The following ICA1 variants were observed in gnomAD, a reference collection of about 807,000 sequenced individuals.
The protein encoded by ICA1 is islet cell autoantigen 1, also known as 69 kDa islet cell autoantigen.
Under a neutral mutation model 71.0 loss-of-function variants are expected in ICA1, and 40 were observed. The ratio of observed to expected loss-of-function variants is 0.56; its 90% CI spans 0.44 to 0.73. The LOEUF is 0.73. Ranked by LOEUF, ICA1 falls within the 30% of genes least tolerant of loss-of-function variation. ICA1 has a pLI of 0.00. For synonymous variants in ICA1, 207 were observed against 209.5 expected, an observed-to-expected ratio of 0.99 and a Z score of 0.10; for missense variants, 578 against 576.5, an observed-to-expected ratio of 1.00 and a Z score of -0.03.
chr7:8,201,708 T>C (rs1789764997), intron 6 of ICA1, among the ~76,000 whole-genome samples: 1 of 152,208 alleles, frequency 6.6e-6, no homozygotes, highest in Non-Finnish European at 1.5e-5. Context: ...AGATCTTCTA[T>C]GTTTTATGGA....
intron 6 of ICA1, among the ~76,000 whole-genome samples, chr7:8,172,387 G>C (rs139991728): frequency 1.3e-5 from 2 of 151,988 alleles, no homozygotes; most frequent in African/African-American, 2.4e-5. Flanking sequence ...TATGAATAAA[G>C]CCACTTCAGA....
At chr7:8,203,275 G>C (rs916783878) in intron 6 of ICA1, among the ~76,000 whole-genome samples, 2 of 152,078 alleles carry the variant, frequency 1.3e-5, no homozygotes, top group African/African-American at 2.4e-5. Context: ...TAATATAGTA[G>C]AGTTCCTGGG....
chr7:8,170,959 C>T (rs1808105587), intron 6 of ICA1, among the ~76,000 whole-genome samples: 1 of 151,946 alleles, frequency 6.6e-6, no homozygotes, highest in South Asian at 2.1e-4. Context: ...TCAGTATATT[C>T]CCAGAGCTGT....
chr7:8,143,951 T>G lies in ICA1; in HGVS notation c.826A>C (p.Lys276Gln), dbSNP rs1356515413. 7 of 1,604,750 alleles carry G rather than the reference T, an allele frequency of 4.4e-6. No individual in the cohort carries two copies. The African/African-American group carries it at 5.4e-5, about 12-fold the overall frequency. ...TTCTTCTCTTCTTTCTCAACTAATT[T>G]TTTCATAGGGTCTTGTAAGCTCTTG... is the stretch of plus-strand genomic sequence containing the variant. ...TLKSLQDPMK[K>Q]LVEKEEKKKI... Residue 276 changes from lysine to glutamine, a missense_variant, in exon 9 of 14, where the codon AAA (lysine) becomes CAA (glutamine). By Grantham distance (53) the Lys-to-Gln change is moderately conservative. Coordinates refer to ENST00000402384, the MANE Select transcript of ICA1 (RefSeq NM_001136020.3).
chr7:8,133,921 A>G (rs958849128), intron 12 of ICA1, among the ~76,000 whole-genome samples: 1 of 149,968 alleles, frequency 6.7e-6, no homozygotes, highest in African/African-American at 2.5e-5. Context: ...ACAGATAAGG[A>G]AAAAGACCCA....
intron 6 of ICA1, among the ~76,000 whole-genome samples, chr7:8,196,758 C>T (rs1313602374): frequency 6.6e-6 from 1 of 152,068 alleles, no homozygotes; most frequent in Non-Finnish European, 1.5e-5. Context: ...GCTGCATTCC[C>T]ACACAAATCT....
At chr7:8,225,394 G>C (rs1025249710) in intron 4 of ICA1, among the ~76,000 whole-genome samples, 4 of 152,174 alleles carry the variant, frequency 2.6e-5, no homozygotes, top group Non-Finnish European at 4.4e-5. Context: ...TTTGATCACA[G>C]GTTTGCACCT....
At chr7:8,189,168 A>C (rs74545876) in intron 6 of ICA1, among the ~76,000 whole-genome samples, 6,962 of 152,252 alleles carry the variant, frequency 0.046, 187 homozygotes, top group Middle Eastern at 0.14. Context: ...GCACCCTGTG[A>C]GTGCTGGGAT....
intron 6 of ICA1, among the ~76,000 whole-genome samples, chr7:8,187,292 T>C (rs971411902): frequency 2.0e-5 from 3 of 152,256 alleles, no homozygotes; most frequent in African/African-American, 7.2e-5. Context: ...TACAACATGT[T>C]ATTGTACTGA....
rs1259801816 is a variant in ICA1, at chr7:8,129,892, C to T, written c.1061-1750G>A. The stretch of plus-strand genomic sequence containing the variant: ...CAACAGTCCCCGGTGTGTGATGTTC[C>T]CCTTCCTGTGTCCATGTGTTCTCAT... On this transcript the variant is annotated intron_variant, in intron 12 of 13. Coordinates refer to ENST00000402384, the MANE Select transcript of ICA1 (RefSeq NM_001136020.3). Among the ~76,000 whole-genome samples the T allele has an allele frequency of 2.2e-5, 3 of 139,174 alleles. No homozygotes were observed. In the East Asian group the frequency reaches 6.7e-4, roughly 31 times the overall value. The allele number at this position is 139,174 out of a possible 152,430, so 91.3% of individuals were successfully genotyped here.
rs1006270095 is a variant in ICA1 at position 8,239,546 on chromosome 7, T to C, written c.-79-3541A>G. 2.6e-5 allele frequency among the ~76,000 whole-genome samples: 4 copies of C among 152,254 alleles called. No individual in the cohort carries two copies. In the South Asian group the frequency reaches 8.3e-4, roughly 32 times the overall value. On this transcript the variant is annotated intron_variant, in intron 1 of 13. Transcript: ENST00000402384. The stretch of plus-strand genomic sequence containing the variant: ...ACCTGGTTCATCTCATTGGGACTGG[T>C]TGACAGTGGGTGCAACCCACAGAGG...
At chr7:8,146,577 C>T (rs1245869674) in intron 8 of ICA1, among the ~76,000 whole-genome samples, 4 of 152,042 alleles carry the variant, frequency 2.6e-5, no homozygotes. Flanking sequence ...ATACACGATC[C>T]TTGGCTGCTG....
chr7:8,156,725 A>T, intron 8 of ICA1: 1 of 1,081,878 alleles, frequency 9.2e-7, no homozygotes, highest in Non-Finnish European at 1.3e-6. Context: ...ATATTTGAAT[A>T]TAATAATTAA....
chr7:8,164,707 T>C (rs1182842659), intron 6 of ICA1, among the ~76,000 whole-genome samples: 3 of 152,334 alleles, frequency 2.0e-5, no homozygotes, highest in African/African-American at 4.8e-5. Flanking sequence ...TCACTGAATA[T>C]ATCAATTACT....
intron 4 of ICA1, 22 bp downstream of exon 4, chr7:8,228,579 T>G (rs1346910019): frequency 6.9e-7 from 1 of 1,450,400 alleles, no homozygotes; most frequent in South Asian, 1.2e-5. Context: ...TTGATCAATA[T>G]TCATACTGAT....
At chr7:8,142,068 TTAGA>T in intron 9 of ICA1, 1 of 1,341,202 alleles carries the variant, frequency 7.5e-7, no homozygotes, top group Non-Finnish European at 1.0e-6. Context: ...AGATGGGCAG[TTAGA>T]TATAAATAAG....
At chr7:8,157,288 C>A in intron 7 of ICA1, 74 bp from the exon 8 acceptor site, 1 of 1,329,068 alleles carries the variant, frequency 7.5e-7, no homozygotes, top group Non-Finnish European at 1.0e-6. Context: ...GGAAGTATGA[C>A]TCTCTGTAGC....
chr7:8,180,073 T>C (rs182846186), intron 6 of ICA1, among the ~76,000 whole-genome samples: 1 of 152,138 alleles, frequency 6.6e-6, no homozygotes, highest in Admixed American at 6.6e-5. Context: ...ATATACAGTT[T>C]TTTTTGCTCC....
chr7:8,126,152 A>C (rs1789090559), intron 13 of ICA1, among the ~76,000 whole-genome samples: 1 of 152,230 alleles, frequency 6.6e-6, no homozygotes, highest in South Asian at 2.1e-4. Flanking sequence ...GCTAAGCAGC[A>C]ACACAGTTGC....
Sources: allele counts gnomAD v4.1 joint callset (sites outside exome capture counted in the v4.1 genomes callset), GRCh38; gene constraint gnomAD v4.1.1; transcripts MANE v1.5; gene names NCBI Gene and HGNC (gene_info 2026-07-23, HGNC 2026-07-21).